MTRFR: variants seen among roughly 807,000 people sequenced by gnomAD.
The protein encoded by MTRFR is mitochondrial translation release factor in rescue.
A neutral mutation model predicts 11.9 loss-of-function variants in MTRFR; 10 were observed. The ratio of observed to expected loss-of-function variants is 0.84; its 90% CI spans 0.52 to 1.42. The LOEUF is 1.42. Ranked by LOEUF, MTRFR falls within the 40% of genes most tolerant of loss-of-function variation. The pLI, the probability that MTRFR is intolerant of heterozygous loss-of-function variation, is 0.00. For synonymous variants in MTRFR, 77 were observed against 79.1 expected (o/e 0.97, Z 0.14); for missense variants, 196 against 197.9 (o/e 0.99, Z 0.06).
chr12:123,255,669 G>A (rs2048175399), intron 2 of MTRFR, among the ~76,000 whole-genome samples: 1 of 152,142 alleles, frequency 6.6e-6, no homozygotes, highest in African/African-American at 2.4e-5. Flanking sequence ...CTATTGCCCA[G>A]GCTGGAGTGC....
intron 1 of MTRFR, among the ~76,000 whole-genome samples, chr12:123,244,488 C>G (rs1165088253): frequency 2.0e-5 from 3 of 152,116 alleles, no homozygotes; most frequent in Non-Finnish European, 2.9e-5. Context: ...ACTACATAAT[C>G]TACTAAGTAA....
rs1413910976 is a variant in MTRFR, at chr12:123,253,765, T to C, written c.91T>C (p.Leu31=). The C allele has an allele frequency of 6.2e-7, 1 of 1,614,114 alleles. No homozygotes were observed. The highest frequency in any genetic ancestry group is 8.5e-7 in the Non-Finnish European group (1 of 1,180,038). ...WGLRLWEKLT[L]LSPGIAVTPV... The stretch of plus-strand genomic sequence containing the variant: ...ACTCCGGCTTTGGGAGAAGCTGACG[T>C]TGTTATCCCCAGGAATAGCTGTCAC... Residue 31 remains leucine (L), a synonymous_variant, in exon 2 of 3, where the codon TTG becomes CTG. Coordinates refer to ENST00000253233, the MANE Select transcript of MTRFR (RefSeq NM_152269.5).
chr12:123,245,710 C>CGCA (rs1442616407), intron 1 of MTRFR, among the ~76,000 whole-genome samples: 1 of 152,082 alleles, frequency 6.6e-6, no homozygotes, highest in African/African-American at 2.4e-5. Flanking sequence ...TCCACTTGGT[C>CGCA]GCTGTTGGTG....
chr12:123,244,930 A>ATTTTTTTTTT lies in MTRFR; in HGVS notation c.-28-8696_-28-8687dup, dbSNP rs544105176. ...ACAGGTATGAGCCACCGCACCCGGC[A>ATTTTTTTTTT]TTTTTTTTTTTTTTTTTTTTTTTTT... On this transcript the variant is annotated intron_variant, in intron 1 of 2. Coordinates refer to ENST00000253233, the MANE Select transcript of MTRFR (RefSeq NM_152269.5). Among the ~76,000 whole-genome samples, 128 of 65,078 alleles carry ATTTTTTTTTT rather than the reference A, an allele frequency of 2.0e-3. 12 individuals are homozygous for ATTTTTTTTTT. The highest frequency in any genetic ancestry group is 2.4e-3 in the Non-Finnish European group (97 of 40,462). 42.7% of individuals were successfully genotyped at this position (65,078 alleles called of 152,430 possible).
chr12:123,244,290 G>A (rs2047999427), intron 1 of MTRFR, among the ~76,000 whole-genome samples: 1 of 152,034 alleles, frequency 6.6e-6, no homozygotes, highest in Admixed American at 6.6e-5. Context: ...AAATTAGCCG[G>A]GCGTGGTAGC....
Position 123,246,709 on chromosome 12 carries a change from A to ATTTTTTTTTT in MTRFR, c.-28-6908_-28-6899dup, listed in dbSNP as rs1157677577. Among the ~76,000 whole-genome samples, 5 of 53,516 alleles carry ATTTTTTTTTT rather than the reference A, an allele frequency of 9.3e-5. 1 individual carries two copies. Among genetic ancestry groups the ATTTTTTTTTT allele is most frequent in the African/African-American group, 4.7e-4 (5 of 10,668 alleles). 35.1% of individuals were successfully genotyped at this position (53,516 alleles called of 152,430 possible). The stretch of plus-strand genomic sequence containing the variant: ...TGAGAGAGTGCTTGATATAATTTCA[A>ATTTTTTTTTT]TTTTTTTTTTTTTTTTTTTTTTTTT... On this transcript the variant is annotated intron_variant, in intron 1 of 2. Transcript: ENST00000253233.
chr12:123,249,160 G>C (rs1035010478), intron 1 of MTRFR: 7 of 152,256 alleles, frequency 4.6e-5, no homozygotes, highest in African/African-American at 1.4e-4. Context: ...TACAAACCTT[G>C]AGCTAGACAC....
intron 1 of MTRFR, among the ~76,000 whole-genome samples, chr12:123,241,540 A>G (rs1278668077): frequency 6.6e-6 from 1 of 152,022 alleles, no homozygotes; most frequent in East Asian, 1.9e-4. Flanking sequence ...GGGTTTCACC[A>G]TGTTGGCCAG....
intron 1 of MTRFR, among the ~76,000 whole-genome samples, chr12:123,235,049 C>T (rs534531173): frequency 5.1e-4 from 77 of 152,344 alleles, no homozygotes; most frequent in African/African-American, 1.8e-3. Flanking sequence ...ATGAAATAAT[C>T]AGTTCCCAGA....
chr12:123,238,419 G>A (rs1055339716), intron 1 of MTRFR, among the ~76,000 whole-genome samples: 2 of 151,988 alleles, frequency 1.3e-5, no homozygotes, highest in East Asian at 1.9e-4. Flanking sequence ...GAGACAAGAC[G>A]GAATAAGCAG....
At chr12:123,238,866 T>C (rs1407603261) in intron 1 of MTRFR, among the ~76,000 whole-genome samples, 4 of 152,154 alleles carry the variant, frequency 2.6e-5, no homozygotes, top group Non-Finnish European at 5.9e-5. Flanking sequence ...AGCTACATTG[T>C]CCCATAAAGT....
rs1488523101 is a variant in MTRFR, at chr12:123,243,455, G to A, written c.-29+9924G>A. Among the ~76,000 whole-genome samples the A allele has an allele frequency of 5.3e-5, 8 of 149,554 alleles. No individual in the cohort carries two copies. The South Asian group carries it at 1.1e-3, about 20-fold the overall frequency. On this transcript the variant is annotated intron_variant, in intron 1 of 2. Transcript: ENST00000253233. Reference sequence around the variant, plus strand: ...TGAGGCAGGAGAATGGCGTGAACCCGGGAGGCGGAGCTTGCAGTGAGCCAA... The same window carrying A: ...TGAGGCAGGAGAATGGCGTGAACCCAGGAGGCGGAGCTTGCAGTGAGCCAA...
chr12:123,248,530 G>A (rs2048071791), intron 1 of MTRFR: 1 of 152,656 alleles, frequency 6.6e-6, no homozygotes, highest in South Asian at 2.1e-4. Context: ...TGTTCCTTCA[G>A]ATGTTCAGAT....
chr12:123,234,871 T>A (rs2047816484), intron 1 of MTRFR, among the ~76,000 whole-genome samples: 1 of 152,240 alleles, frequency 6.6e-6, no homozygotes, highest in African/African-American at 2.4e-5. Flanking sequence ...CACAGTGATC[T>A]CCTTAGTACC....
At chr12:123,247,964 T>G (rs2138778150) in intron 1 of MTRFR, among the ~76,000 whole-genome samples, 1 of 151,608 alleles carries the variant, frequency 6.6e-6, no homozygotes, top group East Asian at 2.0e-4. Context: ...AAGAAAGAAA[T>G]GTGAGGTACC....
intron 1 of MTRFR, among the ~76,000 whole-genome samples, chr12:123,236,749 T>C (rs905905043): frequency 1.3e-4 from 20 of 152,136 alleles, no homozygotes; most frequent in Non-Finnish European, 5.9e-5. Flanking sequence ...TCTGTTTTAA[T>C]AGTGTAGTTG....
intron 1 of MTRFR, among the ~76,000 whole-genome samples, chr12:123,241,657 A>G (rs1327300876): frequency 6.6e-6 from 1 of 151,398 alleles, no homozygotes; most frequent in Non-Finnish European, 1.5e-5. Flanking sequence ...TTTTTTAGAG[A>G]TGAGGTCTCC....
chr12:123,243,588 C>A (rs1257798939), intron 1 of MTRFR, among the ~76,000 whole-genome samples: 1 of 151,898 alleles, frequency 6.6e-6, no homozygotes, highest in African/African-American at 2.4e-5. Flanking sequence ...GCCTGTAGTC[C>A]CAGCTACTCG....
intron 2 of MTRFR, 141 bp from the exon 3 acceptor site, chr12:123,256,672 G>C: frequency 1.4e-6 from 1 of 721,140 alleles, no homozygotes; most frequent in South Asian, 1.7e-5. Flanking sequence ...CTCTAGCCTG[G>C]ATGACAAGAA....
Sources: allele counts gnomAD v4.1 joint callset (sites outside exome capture counted in the v4.1 genomes callset), GRCh38; gene constraint gnomAD v4.1.1; transcripts MANE v1.5; gene names NCBI Gene and HGNC (gene_info 2026-07-23, HGNC 2026-07-21).